Variants in CRTAC1 observed in about 807,000 individuals in gnomAD.
CRTAC1 encodes cartilage acidic protein 1.
In CRTAC1, 37 loss-of-function variants were observed where a neutral mutation model predicts 67.8. The observed-to-expected ratio is 0.55, with a 90% CI of 0.42 to 0.72. The LOEUF (loss-of-function observed/expected upper bound fraction) is 0.72, where lower values mean the gene tolerates loss of function less well. CRTAC1 is among the 30% of genes least tolerant of loss of function. The probability of loss-of-function intolerance (pLI) is 0.00; values close to 1 mark genes in which losing one functional copy is unlikely to be tolerated. For missense variants in CRTAC1, 780 were observed against 931.6 expected (o/e 0.84, Z 2.12); for synonymous variants, 348 against 371.0 (o/e 0.94, Z 0.71).
At chr10:97,913,841 C>G (rs1178783333) in intron 5 of CRTAC1, among the ~76,000 whole-genome samples, 1 of 152,186 alleles carries the variant, frequency 6.6e-6, no homozygotes, top group African/African-American at 2.4e-5. Flanking sequence ...ACTCTGTAGC[C>G]CCTGGTTGAG....
chr10:97,889,896 C>G (rs2050342743), intron 11 of CRTAC1, among the ~76,000 whole-genome samples: 1 of 152,140 alleles, frequency 6.6e-6, no homozygotes, highest in South Asian at 2.1e-4. Context: ...CAAGGCAGGC[C>G]TTTCTCAGAT....
chr10:97,939,650 C>T (rs561953450), intron 2 of CRTAC1, among the ~76,000 whole-genome samples: 15 of 152,240 alleles, frequency 9.9e-5, no homozygotes, highest in African/African-American at 2.9e-4. Context: ...ACCAGGAGAA[C>T]CAGTCTTCTT....
intron 2 of CRTAC1, among the ~76,000 whole-genome samples, chr10:97,971,161 T>C (rs192355551): frequency 6.6e-6 from 1 of 152,350 alleles, no homozygotes; most frequent in East Asian, 1.9e-4. Flanking sequence ...GAAAGCAATT[T>C]CACGATATAT....
intron 2 of CRTAC1, among the ~76,000 whole-genome samples, chr10:97,941,186 G>T (rs2051169368): frequency 6.6e-6 from 1 of 151,876 alleles, no homozygotes; most frequent in Non-Finnish European, 1.5e-5. Context: ...TGGCACAGTT[G>T]CTGCTCTCTC....
chr10:98,021,855 G>A (rs1040238447), intron 1 of CRTAC1, among the ~76,000 whole-genome samples: 3 of 152,190 alleles, frequency 2.0e-5, no homozygotes, highest in South Asian at 4.1e-4. Flanking sequence ...AGGGGACCCT[G>A]ATGGAGTTCT....
At chr10:97,894,711 CATATATATATAT>C (rs66795716) in intron 11 of CRTAC1, among the ~76,000 whole-genome samples, 158 of 59,978 alleles carry the variant, frequency 2.6e-3, no homozygotes, top group African/African-American at 3.2e-3. Context: ...GATGCTTTTA[CATATATATATAT>C]ATATATATAT....
rs1843317864 is a variant in CRTAC1 at position 98,029,505 on chromosome 10, CGGCGGCGGCGGCGGCGGCGGCG to C, written c.24+922_24+943del. On this transcript the variant is annotated intron_variant, in intron 1 of 14. Coordinates refer to ENST00000370597, the MANE Select transcript of CRTAC1 (RefSeq NM_018058.7). This position sits in a 1 kb window ranked among gnomAD's most constrained non-coding sequence, Gnocchi z 4.7. ...CCAGCAGCAGCAGCGGCGGCGGCGG[CGGCGGCGGCGGCGGCGGCGGCG>C]GCAGCAGCAGCAATATTCATTAGTC... Among the ~76,000 whole-genome samples the C allele has an allele frequency of 6.8e-6, 1 of 147,098 alleles. No individual in the cohort carries two copies.
chr10:97,882,674 G>T, intron 13 of CRTAC1, 112 bp downstream of exon 13: 1 of 1,112,302 alleles, frequency 9.0e-7, no homozygotes, highest in Non-Finnish European at 1.4e-6. Flanking sequence ...ACCCTCCCCT[G>T]TCCTCCTTTC....
chr10:97,949,256 G>T (rs150694284), intron 2 of CRTAC1, among the ~76,000 whole-genome samples: 2 of 152,232 alleles, frequency 1.3e-5, no homozygotes, highest in Admixed American at 1.3e-4. Flanking sequence ...AGAGGGGGAT[G>T]TCAGGCCAAC....
At chr10:97,968,345 C>T (rs534649000) in intron 2 of CRTAC1, among the ~76,000 whole-genome samples, 8 of 152,146 alleles carry the variant, frequency 5.3e-5, no homozygotes, top group Admixed American at 1.3e-4. Context: ...CAGGTTCAAG[C>T]GATTCTCCTG....
At chr10:97,871,296 A>C (rs2050090908) in intron 14 of CRTAC1, 1 of 152,190 alleles carries the variant, frequency 6.6e-6, no homozygotes, top group Admixed American at 6.5e-5. Context: ...GGAAACTGTG[A>C]AGAGAGTCAG....
chr10:98,010,612 C>A (rs1032999751), intron 2 of CRTAC1, among the ~76,000 whole-genome samples: 6 of 152,148 alleles, frequency 3.9e-5, no homozygotes, highest in Non-Finnish European at 8.8e-5. Context: ...CCGTGGGCAA[C>A]AAGGCATGCT....
intron 11 of CRTAC1, among the ~76,000 whole-genome samples, chr10:97,890,654 CTCTTT>C (rs557208113): frequency 5.3e-5 from 8 of 151,774 alleles, no homozygotes; most frequent in African/African-American, 1.7e-4. Flanking sequence ...ATTTTCTTTT[CTCTTT>C]TCTTTTCTTT....
intron 2 of CRTAC1, among the ~76,000 whole-genome samples, chr10:97,964,914 A>T (rs2051590570): frequency 6.6e-6 from 1 of 151,094 alleles, no homozygotes; most frequent in Middle Eastern, 3.2e-3. Flanking sequence ...CATTCTACTC[A>T]TTTCATTCTA....
At chr10:97,894,238 A>C (rs1172634095) in intron 11 of CRTAC1, among the ~76,000 whole-genome samples, 2 of 152,122 alleles carry the variant, frequency 1.3e-5, no homozygotes, top group African/African-American at 4.8e-5. Flanking sequence ...GATGTAGGAG[A>C]GATCCAGTTT....
intron 3 of CRTAC1, among the ~76,000 whole-genome samples, chr10:97,926,099 G>A (rs2050913492): frequency 6.6e-6 from 1 of 152,174 alleles, no homozygotes; most frequent in Non-Finnish European, 1.5e-5. Context: ...AGTCCCTTCC[G>A]CTGAGTGGAG....
intron 2 of CRTAC1, among the ~76,000 whole-genome samples, chr10:97,985,931 A>G (rs2136667841): frequency 6.6e-6 from 1 of 152,340 alleles, no homozygotes; most frequent in East Asian, 1.9e-4. Context: ...AGCAAGGGAC[A>G]GAAGGCCACA....
At chr10:97,928,859 C>A (rs1335141510) in intron 3 of CRTAC1, among the ~76,000 whole-genome samples, 1 of 152,038 alleles carries the variant, frequency 6.6e-6, no homozygotes, top group Non-Finnish European at 1.5e-5. Context: ...AGGGGAGACC[C>A]AGTAATTCCA....
At chr10:97,878,869 T>C (rs1463060882) in intron 14 of CRTAC1, among the ~76,000 whole-genome samples, 2 of 152,094 alleles carry the variant, frequency 1.3e-5, no homozygotes, top group East Asian at 3.9e-4. Context: ...GAGTACACAC[T>C]CCATTTCTGC....
Sources: gnomAD v4.1 joint callset for allele counts (sites outside exome capture counted in the v4.1 genomes callset) on GRCh38, gnomAD v4.1.1 for gene constraint, Gnocchi (gnomAD v3.1) non-coding constraint, MANE v1.5 for transcripts, NCBI Gene and HGNC (gene_info 2026-07-23, HGNC 2026-07-21) for gene names.